RERG: variants seen among roughly 807,000 people sequenced by gnomAD.
The protein encoded by RERG is ras-related and estrogen-regulated growth inhibitor.
In RERG, 25 loss-of-function variants were observed where a neutral mutation model predicts 23.2. That is an observed-to-expected ratio of 1.08 (90% CI 0.79 to 1.50). The LOEUF (loss-of-function observed/expected upper bound fraction) is 1.50, where lower values mean the gene tolerates loss of function less well. Ranked by LOEUF, RERG falls within the 40% of genes most tolerant of loss-of-function variation. The pLI is 0.00. For missense variants in RERG, 253 were observed against 250.1 expected (o/e 1.01, Z -0.08); for synonymous variants, 81 against 89.1 (o/e 0.91, Z 0.51).
At chr12:15,166,802 G>A (rs552587521) in intron 2 of RERG, among the ~76,000 whole-genome samples, 2 of 151,092 alleles carry the variant, frequency 1.3e-5, no homozygotes, top group East Asian at 1.9e-4. Flanking sequence ...TATTTAAAGA[G>A]GTCTTTTATT....
At chr12:15,196,103 T>C (rs1370189309) in intron 2 of RERG, among the ~76,000 whole-genome samples, 1 of 152,136 alleles carries the variant, frequency 6.6e-6, no homozygotes, top group East Asian at 1.9e-4. Context: ...CCATTTAAAA[T>C]CTGAGAAAGG....
intron 1 of RERG, 76 bp from the exon 2 acceptor site, chr12:15,217,679 C>A (rs1278669093): frequency 3.7e-6 from 2 of 537,334 alleles, no homozygotes; most frequent in Admixed American, 3.4e-5. Flanking sequence ...TACTATATGC[C>A]AGCCACCATT....
intron 2 of RERG, among the ~76,000 whole-genome samples, chr12:15,178,926 A>C (rs1864888168): frequency 6.6e-6 from 1 of 152,204 alleles, no homozygotes; most frequent in Non-Finnish European, 1.5e-5. Flanking sequence ...TGAGCATTTA[A>C]AGTAAAAGTT....
At chr12:15,117,892 A>G (rs534311701) in intron 3 of RERG, among the ~76,000 whole-genome samples, 1 of 152,238 alleles carries the variant, frequency 6.6e-6, no homozygotes, top group South Asian at 2.1e-4. Flanking sequence ...TCATGGTTAG[A>G]TGGTCCAACT....
Position 15,212,076 on chromosome 12 carries a change from G to A in RERG, c.61+5353C>T, listed in dbSNP as rs556487802. Among the ~76,000 whole-genome samples the A allele has an allele frequency of 6.5e-3, 487 of 74,736 alleles. 3 individuals are homozygous for A. Among genetic ancestry groups the A allele is most frequent in the African/African-American group, 0.019 (467 of 25,058 alleles). The allele number at this position is 74,736 out of a possible 152,430, so 49.0% of individuals were successfully genotyped here. A position where few individuals can be genotyped will look rare whatever the true frequency, so the allele number is the denominator to read the frequency against. On this transcript the variant is annotated intron_variant, in intron 2 of 4. Coordinates refer to ENST00000256953, the MANE Select transcript of RERG (RefSeq NM_032918.3). ...TTTTTTTTTTTTTTTTTTTTGAGAC[G>A]GAGTCTCGCTCTGTCGCCCAGGCCG...
chr12:15,197,025 C>T (rs533544465), intron 2 of RERG, among the ~76,000 whole-genome samples: 11 of 152,220 alleles, frequency 7.2e-5, no homozygotes, highest in East Asian at 1.9e-4. Flanking sequence ...GTATTTATTA[C>T]GTGTCAGGCA....
chr12:15,111,264 G>C (rs1591630923), intron 4 of RERG, 80 bp downstream of exon 4: 2 of 1,062,518 alleles, frequency 1.9e-6, no homozygotes, highest in Non-Finnish European at 2.8e-6. Flanking sequence ...TTGAAGAAAA[G>C]TGCCTTATTT....
chr12:15,204,550 C>T (rs1439017010), intron 2 of RERG, among the ~76,000 whole-genome samples: 1 of 151,800 alleles, frequency 6.6e-6, no homozygotes. Flanking sequence ...ATGTGAATTG[C>T]TATGAAGATA....
intron 3 of RERG, among the ~76,000 whole-genome samples, chr12:15,119,586 A>AT (rs1290582735): frequency 6.6e-6 from 1 of 152,132 alleles, no homozygotes; most frequent in Non-Finnish European, 1.5e-5. Context: ...ATAAAGAATA[A>AT]TTTTTTTAAA....
intron 2 of RERG, among the ~76,000 whole-genome samples, chr12:15,177,563 A>T (rs1864867680): frequency 6.6e-6 from 1 of 152,248 alleles, no homozygotes; most frequent in South Asian, 2.1e-4. Flanking sequence ...AGAATACCTC[A>T]AAATCTCTTT....
At chr12:15,218,934 G>A (rs898761080) in intron 1 of RERG, among the ~76,000 whole-genome samples, 8 of 151,808 alleles carry the variant, frequency 5.3e-5, no homozygotes, top group African/African-American at 1.5e-4. Flanking sequence ...AAACTGACCC[G>A]GTGTAAATTC....
chr12:15,172,378 T>C (rs1864789404), intron 2 of RERG, among the ~76,000 whole-genome samples: 1 of 152,148 alleles, frequency 6.6e-6, no homozygotes, highest in Non-Finnish European at 1.5e-5. Flanking sequence ...CATACATTCA[T>C]TTATGGACAT....
intron 2 of RERG, among the ~76,000 whole-genome samples, chr12:15,158,904 T>A (rs1864563422): frequency 6.6e-6 from 1 of 152,144 alleles, no homozygotes; most frequent in African/African-American, 2.4e-5. Flanking sequence ...AATGTAAAGT[T>A]ATTATTTTTC....
chr12:15,195,233 C>T (rs1196835008), intron 2 of RERG, among the ~76,000 whole-genome samples: 1 of 151,984 alleles, frequency 6.6e-6, no homozygotes, highest in Non-Finnish European at 1.5e-5. Context: ...GGAATACTGC[C>T]TTGGGTAAGG....
chr12:15,157,869 CCA>C (rs1864545853), intron 2 of RERG, among the ~76,000 whole-genome samples: 1 of 152,058 alleles, frequency 6.6e-6, no homozygotes, highest in African/African-American at 2.4e-5. Context: ...TTATCCAGAT[CCA>C]CAAACTGTTT....
intron 2 of RERG, among the ~76,000 whole-genome samples, chr12:15,187,030 A>G (rs1369222645): frequency 6.6e-6 from 1 of 152,142 alleles, no homozygotes; most frequent in Non-Finnish European, 1.5e-5. Context: ...TCCTACAGAG[A>G]TAATTAGACT....
chr12:15,137,237 T>C (rs1169260011), intron 2 of RERG, among the ~76,000 whole-genome samples: 1 of 151,854 alleles, frequency 6.6e-6, no homozygotes, highest in Non-Finnish European at 1.5e-5. Flanking sequence ...TCCAGTTTTC[T>C]TTTTATTGAC....
intron 2 of RERG, among the ~76,000 whole-genome samples, chr12:15,214,498 C>A (rs572666447): frequency 4.6e-5 from 7 of 152,176 alleles, no homozygotes; most frequent in Admixed American, 3.3e-4. Flanking sequence ...GAGGAGCTAC[C>A]GAATTACATT....
At chr12:15,131,423 T>C (rs1565512788) in intron 2 of RERG, among the ~76,000 whole-genome samples, 1 of 152,204 alleles carries the variant, frequency 6.6e-6, no homozygotes, top group Non-Finnish European at 1.5e-5. Flanking sequence ...AACAGAATTA[T>C]TTGTAAGGTA....
Sources: allele counts gnomAD v4.1 joint callset (sites outside exome capture counted in the v4.1 genomes callset), GRCh38; gene constraint gnomAD v4.1.1; transcripts MANE v1.5; gene names NCBI Gene and HGNC (gene_info 2026-07-23, HGNC 2026-07-21).